The following ANKS6 variants were observed in gnomAD, a reference collection of about 807,000 sequenced individuals.
ANKS6 encodes ankyrin repeat and SAM domain-containing protein 6.
A neutral mutation model predicts 77.9 loss-of-function variants in ANKS6; 47 were observed. The observed-to-expected ratio is 0.60, with a 90% CI of 0.48 to 0.77. The LOEUF is 0.77. ANKS6 is among the 30% of genes least tolerant of loss of function. ANKS6 has a pLI of 0.00. For missense variants in ANKS6, 1,150 were observed against 1,159.1 expected, an observed-to-expected ratio of 0.99 and a Z score of 0.11; for synonymous variants, 488 against 501.7, an observed-to-expected ratio of 0.97 and a Z score of 0.37.
chr9:98,772,606 G>A (rs944485227), intron 9 of ANKS6, among the ~76,000 whole-genome samples: 9 of 152,156 alleles, frequency 5.9e-5, no homozygotes, highest in African/African-American at 2.2e-4. Context: ...CCCCCACTGT[G>A]GGCACTCCTA....
At chr9:98,763,625 G>A (rs1182646172) in intron 11 of ANKS6, among the ~76,000 whole-genome samples, 1 of 151,724 alleles carries the variant, frequency 6.6e-6, no homozygotes, top group Non-Finnish European at 1.5e-5. Context: ...AGAAATTATA[G>A]ATAAGAGCAG....
rs750245777 is a variant in ANKS6 at position 98,780,331 on chromosome 9, T to A, written c.1226A>T (p.Glu409Val). Residue 409 changes from glutamate to valine, a missense_variant, in exon 6 of 15, where the codon GAA (glutamate) becomes GTA (valine). Glu to Val is a moderately radical substitution (Grantham distance 121). Transcript: ENST00000353234. ...GACAGATGCCAGCAGTCGAACAAGT[T>A]CCGTGTCTATGGACACAAAAGGCAT... The part of the protein sequence containing the change: ...LVMLLNDPDT[E>V]LVRLLASVCM... 32 of 1,592,482 alleles carry A rather than the reference T, an allele frequency of 2.0e-5. 1 individual carries two copies. The South Asian group carries it at 3.6e-4, about 18-fold the overall frequency.
At chr9:98,766,031 G>T (rs938011204) in intron 11 of ANKS6, among the ~76,000 whole-genome samples, 3 of 152,176 alleles carry the variant, frequency 2.0e-5, no homozygotes, top group African/African-American at 7.2e-5. Flanking sequence ...GCTCTGGCAG[G>T]AATAACATTC....
chr9:98,783,753 G>C, intron 4 of ANKS6, 200 bp downstream of exon 4: 1 of 429,704 alleles, frequency 2.3e-6, no homozygotes. Context: ...TGTGATGGGG[G>C]AACAGGAAAT....
intron 14 of ANKS6, among the ~76,000 whole-genome samples, chr9:98,744,404 C>T (rs777618182): frequency 7.2e-5 from 11 of 152,144 alleles, no homozygotes; most frequent in Non-Finnish European, 1.6e-4. Context: ...CGTCTCCCTC[C>T]ACTGCCCACC....
chr9:98,789,424 A>C (rs1446887720), intron 2 of ANKS6, among the ~76,000 whole-genome samples: 1 of 81,546 alleles, frequency 1.2e-5, no homozygotes, highest in Non-Finnish European at 2.8e-5. Context: ...AGATGGCAAG[A>C]AGTTAAAAAA....
intron 11 of ANKS6, among the ~76,000 whole-genome samples, chr9:98,764,366 G>A (rs1298075803): frequency 6.6e-6 from 1 of 152,124 alleles, no homozygotes; most frequent in East Asian, 1.9e-4. Context: ...TGAACTTCCT[G>A]GATCTGTGGT....
At chr9:98,748,397 A>AT (rs1384695809) in intron 13 of ANKS6, among the ~76,000 whole-genome samples, 1 of 152,000 alleles carries the variant, frequency 6.6e-6, no homozygotes, top group Admixed American at 6.6e-5. Context: ...TTCATGCCCT[A>AT]TTTTTTTTAA....
chr9:98,737,632 C>A (rs1192555919), intron 14 of ANKS6, among the ~76,000 whole-genome samples: 4 of 152,108 alleles, frequency 2.6e-5, no homozygotes, highest in Admixed American at 2.0e-4. Context: ...TGGAGAGAAT[C>A]AATATTGTGA....
chr9:98,760,684 T>C (rs921912179), intron 11 of ANKS6, among the ~76,000 whole-genome samples: 1 of 152,242 alleles, frequency 6.6e-6, no homozygotes, highest in Non-Finnish European at 1.5e-5. Flanking sequence ...TCACTCAGCA[T>C]GATGCCTTTA....
intron 14 of ANKS6, among the ~76,000 whole-genome samples, chr9:98,743,428 A>G (rs1361791474): frequency 2.6e-5 from 4 of 152,068 alleles, no homozygotes; most frequent in Non-Finnish European, 5.9e-5. Context: ...TTAGTTCTTT[A>G]AACACACTGC....
At position 98,796,329 on chromosome 9, in the gene ANKS6, C is replaced by A; in HGVS notation, c.163G>T (p.Ala55Ser). The A allele has an allele frequency of 8.3e-7, 1 of 1,201,840 alleles. No homozygotes were observed. 74.4% of individuals were successfully genotyped at this position (1,201,840 alleles called of 1,614,324 possible). ...AGAEPAGAEV[A>S]GPGAAAAGAV... Reference sequence around the variant, plus strand: ...CCCGCCGCTGCGGCCCCGGGCCCGGCCACCTCGGCCCCCGCCGGCTCCGCG... The same window carrying A: ...CCCGCCGCTGCGGCCCCGGGCCCGGACACCTCGGCCCCCGCCGGCTCCGCG... The change falls in exon 1 of 15, where the codon GCC (alanine) becomes TCC (serine). Residue 55 changes from alanine to serine, a missense_variant. Coordinates refer to ENST00000353234, the MANE Select transcript of ANKS6 (RefSeq NM_173551.5).
Position 98,736,164 on chromosome 9 carries a change from G to A in ANKS6, c.*355C>T, listed in dbSNP as rs1024806160. Reference sequence around the variant, plus strand: ...AGAGCAAGGCAGGTAAGAAGCAGCCGTGCCTTCTCCATCGTCCCTTTCCCT... The same window carrying A: ...AGAGCAAGGCAGGTAAGAAGCAGCCATGCCTTCTCCATCGTCCCTTTCCCT... On this transcript the variant is annotated 3_prime_UTR_variant, in exon 15 of 15. Coordinates refer to ENST00000353234, the MANE Select transcript of ANKS6 (RefSeq NM_173551.5). 4 of 1,158,292 alleles carry A rather than the reference G, an allele frequency of 3.5e-6. No individual in the cohort carries two copies. Among genetic ancestry groups the A allele is most frequent in the Middle Eastern group, 3.5e-4 (1 of 2,854 alleles). The allele number at this position is 1,158,292 out of a possible 1,614,324, so 71.8% of individuals were successfully genotyped here.
chr9:98,789,072 C>G (rs1429566764), intron 2 of ANKS6, among the ~76,000 whole-genome samples: 1 of 146,516 alleles, frequency 6.8e-6, no homozygotes, highest in Admixed American at 6.9e-5. Context: ...TTCTAATAAG[C>G]ATTTACCAAA....
chr9:98,739,329 T>C (rs1300036693), intron 14 of ANKS6, among the ~76,000 whole-genome samples: 1 of 152,272 alleles, frequency 6.6e-6, no homozygotes, highest in South Asian at 2.1e-4. Context: ...GAAACTGGGC[T>C]GGGCATGTGG....
intron 12 of ANKS6, among the ~76,000 whole-genome samples, chr9:98,755,319 C>T (rs958797253): frequency 8.5e-5 from 13 of 152,320 alleles, no homozygotes; most frequent in African/African-American, 3.1e-4. Context: ...ACTTATACTC[C>T]TCGATTTGCA....
chr9:98,737,767 C>T (rs780730831), intron 14 of ANKS6, among the ~76,000 whole-genome samples: 18 of 152,110 alleles, frequency 1.2e-4, no homozygotes, highest in South Asian at 2.1e-4. Context: ...AAAGAGCCCG[C>T]GTAGCCAAAG....
Position 98,778,359 on chromosome 9 carries a change from C to G in ANKS6, c.1434G>C (p.Gly478=). 6.2e-7 allele frequency: 1 copy of G among 1,614,176 alleles called. No individual in the cohort carries two copies. ...AAGGCAAAGGCTGGTTGCTGGACAG[C>G]CCACGGGGCAGCGTCTGCATCAGTT... ...KLKLMQTLPR[G]LSSNQPLPFS... The change falls in exon 7 of 15, where the codon GGG becomes GGC. Residue 478 remains glycine (G), a synonymous_variant. Transcript: ENST00000353234.
rs1454494497 is a variant in ANKS6 at position 98,790,100 on chromosome 9, T to G, written c.862+4A>C. On this transcript the variant is annotated splice_donor_region_variant and intron_variant, in intron 2 of 14. Coordinates refer to ENST00000353234, the MANE Select transcript of ANKS6 (RefSeq NM_173551.5). ...GTGAAGCCACGGGGGGCATGCAGCC[T>G]GACCTGTTTTGGGCCTGACGGTGGT... 3 of 1,549,748 alleles carry G rather than the reference T, an allele frequency of 1.9e-6. No homozygotes were observed. Among genetic ancestry groups the G allele is most frequent in the South Asian group, 1.2e-5 (1 of 82,666 alleles).
Sources: allele counts gnomAD v4.1 joint callset (sites outside exome capture counted in the v4.1 genomes callset), GRCh38; gene constraint gnomAD v4.1.1; transcripts MANE v1.5; gene names NCBI Gene and HGNC (gene_info 2026-07-23, HGNC 2026-07-21).